ST3GAL2: variants seen among roughly 807,000 people sequenced by gnomAD.
ST3GAL2 encodes the protein CMP-N-acetylneuraminate-beta-galactosamide-alpha-2,3-sialyltransferase 2.
Under a neutral mutation model 37.5 loss-of-function variants are expected in ST3GAL2, and 16 were observed. The ratio of observed to expected loss-of-function variants is 0.43; its 90% confidence interval spans 0.29 to 0.65. The LOEUF (loss-of-function observed/expected upper bound fraction) is 0.65, where lower values mean the gene tolerates loss of function less well. Ranked by LOEUF, ST3GAL2 falls within the 30% of genes least tolerant of loss-of-function variation. The pLI is 0.17. For synonymous variants in ST3GAL2, 238 were observed against 202.9 expected, an observed-to-expected ratio of 1.17 and a Z score of -1.47; for missense variants, 383 against 487.8, an observed-to-expected ratio of 0.79 and a Z score of 2.02.
intron 1 of ST3GAL2, among the ~76,000 whole-genome samples, chr16:70,404,852 T>C (rs1315648885): frequency 2.6e-5 from 4 of 151,870 alleles, no homozygotes; most frequent in African/African-American, 4.8e-5. Context: ...GCCAACTTGG[T>C]GAAACCCCAT....
intron 3 of ST3GAL2, among the ~76,000 whole-genome samples, chr16:70,389,768 T>G (rs1359905073): frequency 1.3e-5 from 2 of 148,388 alleles, no homozygotes; most frequent in Non-Finnish European, 3.0e-5. Context: ...CCAGCCATTT[T>G]GTTTGTTTGG....
intron 3 of ST3GAL2, among the ~76,000 whole-genome samples, chr16:70,389,301 C>G (rs1248324185): frequency 7.6e-6 from 1 of 131,492 alleles, no homozygotes; most frequent in African/African-American, 2.8e-5. Context: ...TATTTATTTA[C>G]TTTTAATTAT....
At chr16:70,421,660 G>A (rs1410219575) in intron 1 of ST3GAL2, among the ~76,000 whole-genome samples, 2 of 152,172 alleles carry the variant, frequency 1.3e-5, no homozygotes, top group East Asian at 1.9e-4. Context: ...ATGTGAGGAG[G>A]TGGGGCCCAG....
Position 70,398,187 on chromosome 16 carries a change from C to G in ST3GAL2, c.339+5G>C, listed in dbSNP as rs745913604. The G allele has an allele frequency of 6.2e-7, 1 of 1,609,898 alleles. No homozygotes were observed. The highest frequency in any genetic ancestry group is 8.5e-7 in the Non-Finnish European group (1 of 1,177,252). The stretch of plus-strand genomic sequence containing the variant: ...AGATCCCTGGAAGGGAGCAGCAGCT[C>G]TTACCATCCACCACCTCTGGACGTC... On this transcript the variant is annotated splice_donor_5th_base_variant and intron_variant, in intron 2 of 6. Transcript: ENST00000342907.
In ST3GAL2 at chr16:70,376,335, A is replaced by G. The variant is rs1459977890; in HGVS notation, c.*5354T>C. On this transcript the variant is annotated 3_prime_UTR_variant, in exon 7 of 7. Coordinates refer to ENST00000342907, the MANE Select transcript of ST3GAL2 (RefSeq NM_006927.4). ...ACTGGGCGCCCTGAGTGCAGATGCC[A>G]TATGTTTCTTCTGCTTCACAGGCTT... 1.3e-5 allele frequency: 2 copies of G among 152,230 alleles called. No individual in the cohort carries two copies. Among genetic ancestry groups the G allele is most frequent in the East Asian group, 1.9e-4 (1 of 5,194 alleles). The allele number at this position is 152,230 out of a possible 1,614,324, so 9.4% of individuals were successfully genotyped here.
chr16:70,398,004 G>C (rs1214044169), intron 2 of ST3GAL2, among the ~76,000 whole-genome samples, 188 bp downstream of exon 2: 3 of 152,178 alleles, frequency 2.0e-5, no homozygotes, highest in Admixed American at 1.3e-4. Flanking sequence ...GGTCCTACAG[G>C]CACTAGAAAA....
intron 1 of ST3GAL2, among the ~76,000 whole-genome samples, chr16:70,425,279 T>C (rs1185568591): frequency 6.6e-6 from 1 of 152,158 alleles, no homozygotes; most frequent in Non-Finnish European, 1.5e-5. Context: ...CTGGTCACCA[T>C]GGTGAAAGCC....
chr16:70,415,503 G>A (rs141022878), intron 1 of ST3GAL2, among the ~76,000 whole-genome samples: 17 of 151,494 alleles, frequency 1.1e-4, no homozygotes, highest in African/African-American at 2.9e-4. Context: ...TAAAGTTAAC[G>A]GACAAACAAC....
chr16:70,392,080 G>A (rs900025821), intron 3 of ST3GAL2, among the ~76,000 whole-genome samples: 1 of 152,232 alleles, frequency 6.6e-6, no homozygotes, highest in African/African-American at 2.4e-5. Flanking sequence ...CATGGGACCT[G>A]TCAGCCAGGG....
intron 1 of ST3GAL2, among the ~76,000 whole-genome samples, chr16:70,429,410 G>A (rs1217887607): frequency 1.3e-5 from 2 of 151,908 alleles, no homozygotes; most frequent in African/African-American, 2.4e-5. Flanking sequence ...TGGCTAACAC[G>A]GTGAAACACC....
chr16:70,398,557 C>T lies in ST3GAL2; in HGVS notation c.-27G>A, dbSNP rs747661710. ...GTGCCGGCAGGCGGGTGACGGTCACCGTGGCCACTCTTTTCCCAGCCCGCT... is the reference window on the plus strand; with the variant it reads ...GTGCCGGCAGGCGGGTGACGGTCACTGTGGCCACTCTTTTCCCAGCCCGCT... On this transcript the variant is annotated 5_prime_UTR_variant, in exon 2 of 7. Coordinates refer to ENST00000342907, the MANE Select transcript of ST3GAL2 (RefSeq NM_006927.4). 19 of 1,550,832 alleles carry T rather than the reference C, an allele frequency of 1.2e-5. No homozygotes were observed. The highest frequency in any genetic ancestry group is 2.4e-5 in the East Asian group (1 of 41,794).
chr16:70,415,762 CTT>C (rs1203693372), intron 1 of ST3GAL2, among the ~76,000 whole-genome samples: 7,341 of 115,762 alleles, frequency 0.063, 701 homozygotes, highest in African/African-American at 0.23. Context: ...TTCCAAGATT[CTT>C]TTTTTTTTTT....
intron 3 of ST3GAL2, among the ~76,000 whole-genome samples, chr16:70,390,851 AC>A (rs934206677): frequency 1.3e-5 from 2 of 151,698 alleles, no homozygotes; most frequent in African/African-American, 4.8e-5. Flanking sequence ...TTAAACACAA[AC>A]CTGTTGGTCT....
At chr16:70,413,393 G>A (rs2066844179) in intron 1 of ST3GAL2, among the ~76,000 whole-genome samples, 1 of 152,010 alleles carries the variant, frequency 6.6e-6, no homozygotes, top group Admixed American at 6.6e-5. Flanking sequence ...ACCAGCCTGG[G>A]CAACAGAGTG....
chr16:70,414,591 G>C (rs1174013702), intron 1 of ST3GAL2, among the ~76,000 whole-genome samples: 6 of 152,194 alleles, frequency 3.9e-5, no homozygotes, highest in Non-Finnish European at 8.8e-5. Flanking sequence ...CTGAAAATCG[G>C]AACAATTGAT....
Position 70,391,536 on chromosome 16 carries a change from A to G in ST3GAL2, c.534-2990T>C, listed in dbSNP as rs183761825. The stretch of plus-strand genomic sequence containing the variant: ...GGGCTGCTAAACTCCCCATGCAGGT[A>G]TTGGTGTCCTATGGTCACACTGACA... On this transcript the variant is annotated intron_variant, in intron 3 of 6. Transcript: ENST00000342907. 1.5e-3 allele frequency among the ~76,000 whole-genome samples: 225 copies of G among 152,278 alleles called. 4 individuals carry two copies. The highest frequency in any genetic ancestry group is 2.1e-4 in the Non-Finnish European group (14 of 68,024).
At chr16:70,436,458 G>GAAA (rs58205790) in intron 1 of ST3GAL2, among the ~76,000 whole-genome samples, 35 of 112,366 alleles carry the variant, frequency 3.1e-4, no homozygotes, top group African/African-American at 1.0e-3. Context: ...CTCAAAAAAA[G>GAAA]AAAAAAAAAA....
In ST3GAL2 at chr16:70,398,533, T is replaced by G. The variant is rs531316817; in HGVS notation, c.-3A>C. 2 of 1,591,202 alleles carry G rather than the reference T, an allele frequency of 1.3e-6. No homozygotes were observed. Among genetic ancestry groups the G allele is most frequent in the South Asian group, 1.1e-5 (1 of 89,640 alleles). On this transcript the variant is annotated 5_prime_UTR_variant, in exon 2 of 7. Coordinates refer to ENST00000342907, the MANE Select transcript of ST3GAL2 (RefSeq NM_006927.4). ...CACACCCGCAGGGAGCACTTCATGG[T>G]GCCGGCAGGCGGGTGACGGTCACCG...
intron 3 of ST3GAL2, among the ~76,000 whole-genome samples, chr16:70,394,225 C>T (rs1597559845): frequency 6.6e-6 from 1 of 152,296 alleles, no homozygotes; most frequent in East Asian, 1.9e-4. Context: ...AGAGCAAATA[C>T]CGAACAGCTC....
Sources: allele counts gnomAD v4.1 joint callset (sites outside exome capture counted in the v4.1 genomes callset), GRCh38; gene constraint gnomAD v4.1.1; transcripts MANE v1.5; gene names NCBI Gene and HGNC (gene_info 2026-07-23, HGNC 2026-07-21).